EYA1: variants seen among roughly 807,000 people sequenced by gnomAD.
EYA1 encodes the protein EYA transcriptional coactivator and phosphatase 1.
Under a neutral mutation model 82.0 loss-of-function variants are expected in EYA1, and 16 were observed. That is an observed-to-expected ratio of 0.20 (90% CI 0.13 to 0.30). EYA1 has a LOEUF of 0.30. Among genes scored for constraint, EYA1 ranks in the 10% least tolerant of loss-of-function variants. The pLI is 1.00. For synonymous variants in EYA1, 261 were observed against 264.4 expected, an observed-to-expected ratio of 0.99 and a Z score of 0.12; for missense variants, 633 against 730.7, an observed-to-expected ratio of 0.87 and a Z score of 1.54.
intron 2 of EYA1, among the ~76,000 whole-genome samples, chr8:71,534,077 A>G (rs1181888888): frequency 6.6e-6 from 1 of 152,232 alleles, no homozygotes; most frequent in Non-Finnish European, 1.5e-5. Flanking sequence ...TTTGCATAAT[A>G]CAAGGTATCA....
chr8:71,212,016 G>A (rs931881983), intron 16 of EYA1, among the ~76,000 whole-genome samples: 1 of 152,132 alleles, frequency 6.6e-6, no homozygotes, highest in Non-Finnish European at 1.5e-5. Flanking sequence ...GGGCTCCTGT[G>A]GTGGCTACAC....
chr8:71,342,125 CCA>C (rs1825204830), intron 3 of EYA1, among the ~76,000 whole-genome samples: 1 of 152,104 alleles, frequency 6.6e-6, no homozygotes, highest in Non-Finnish European at 1.5e-5. Flanking sequence ...CATCTCTCCC[CCA>C]ATCCAATCTA....
intron 2 of EYA1, among the ~76,000 whole-genome samples, chr8:71,471,573 C>T (rs896616624): frequency 2.6e-5 from 4 of 152,062 alleles, no homozygotes; most frequent in South Asian, 2.1e-4. Context: ...AAAGTGATCT[C>T]GTACTCAATT....
intron 2 of EYA1, among the ~76,000 whole-genome samples, chr8:71,521,326 A>T (rs1230590594): frequency 6.6e-6 from 1 of 152,140 alleles, no homozygotes; most frequent in Non-Finnish European, 1.5e-5. Context: ...TAAGGCTAAG[A>T]TCATCATATT....
chr8:71,393,490 C>G (rs1172821482), intron 2 of EYA1, among the ~76,000 whole-genome samples: 1 of 152,164 alleles, frequency 6.6e-6, no homozygotes, highest in Non-Finnish European at 1.5e-5. Context: ...GTTCCCCACC[C>G]TGTGTCCAAG....
At chr8:71,458,270 G>A (rs988609297) in intron 2 of EYA1, among the ~76,000 whole-genome samples, 1 of 152,090 alleles carries the variant, frequency 6.6e-6, no homozygotes, top group Non-Finnish European at 1.5e-5. Context: ...GTAAGACATG[G>A]ATTGGGGAAT....
intron 2 of EYA1, among the ~76,000 whole-genome samples, chr8:71,521,081 C>T (rs904195546): frequency 6.6e-6 from 1 of 151,632 alleles, no homozygotes; most frequent in African/African-American, 2.4e-5. Context: ...AAAAAAAAAT[C>T]TTTATTTTTT....
At chr8:71,394,308 T>C (rs1829455467) in intron 2 of EYA1, among the ~76,000 whole-genome samples, 1 of 152,354 alleles carries the variant, frequency 6.6e-6, no homozygotes, top group African/African-American at 2.4e-5. Context: ...AGATCCCTTT[T>C]GTCAACTTTC....
chr8:71,334,211 A>C, intron 3 of EYA1, 37 bp from the exon 4 acceptor site: 2 of 1,409,250 alleles, frequency 1.4e-6, no homozygotes, highest in East Asian at 2.3e-5. Context: ...TATTGAATTA[A>C]TAGTTATTTG....
chr8:71,531,624 G>A (rs185725430), intron 2 of EYA1, among the ~76,000 whole-genome samples: 1 of 152,146 alleles, frequency 6.6e-6, no homozygotes, highest in South Asian at 2.1e-4. Context: ...GAAAGAAGCG[G>A]TTATAACTCT....
At position 71,227,382 on chromosome 8, in the gene EYA1, T is replaced by G. The variant is rs561467066; in HGVS notation, c.1141-10359A>C. Reference sequence around the variant, plus strand: ...GAGAGAATCTACTAAAGAAGAATTTTTCATAGTGACAGCAACTCTAGGCTT... The same window carrying G: ...GAGAGAATCTACTAAAGAAGAATTTGTCATAGTGACAGCAACTCTAGGCTT... On this transcript the variant is annotated intron_variant, in intron 12 of 17. Coordinates refer to ENST00000340726, the MANE Select transcript of EYA1 (RefSeq NM_000503.6). Among the ~76,000 whole-genome samples, 6 of 152,302 alleles carry G rather than the reference T, an allele frequency of 3.9e-5. No homozygotes were observed. In the East Asian group the frequency reaches 1.2e-3, roughly 29 times the overall value.
intron 2 of EYA1, among the ~76,000 whole-genome samples, chr8:71,475,088 T>A (rs1294080999): frequency 3.3e-5 from 5 of 152,144 alleles, no homozygotes; most frequent in African/African-American, 1.2e-4. Context: ...GCCGAGATCA[T>A]ACATTGCACT....
rs534246622 is a variant in EYA1, at chr8:71,202,482, A to C, written c.1699-3062T>G. Reference sequence around the variant, plus strand: ...GCTTGTTTACTGGCACTAAAATACGAATGGCTTTAGTCTTCCTGTACAGAG... The same window carrying C: ...GCTTGTTTACTGGCACTAAAATACGCATGGCTTTAGTCTTCCTGTACAGAG... On this transcript the variant is annotated intron_variant, in intron 17 of 17. Coordinates refer to ENST00000340726, the MANE Select transcript of EYA1 (RefSeq NM_000503.6). Among the ~76,000 whole-genome samples, 6 of 152,262 alleles carry C rather than the reference A, an allele frequency of 3.9e-5. No individual in the cohort carries two copies. In the South Asian group the frequency reaches 1.2e-3, roughly 32 times the overall value.
At chr8:71,349,515 G>A (rs1247016153) in intron 3 of EYA1, among the ~76,000 whole-genome samples, 3 of 152,194 alleles carry the variant, frequency 2.0e-5, no homozygotes, top group Non-Finnish European at 2.9e-5. Flanking sequence ...TACAAGCCAT[G>A]TGCCTTTAAA....
At chr8:71,517,018 C>T (rs1486554114) in intron 2 of EYA1, among the ~76,000 whole-genome samples, 14 of 152,064 alleles carry the variant, frequency 9.2e-5, no homozygotes, top group Non-Finnish European at 1.8e-4. Context: ...TGTCCTGTTC[C>T]CTCTGGTTCA....
At chr8:71,255,667 ATTT>A (rs1814326781) in intron 11 of EYA1, among the ~76,000 whole-genome samples, 1 of 152,190 alleles carries the variant, frequency 6.6e-6, no homozygotes, top group Non-Finnish European at 1.5e-5. Flanking sequence ...ATGACATTGG[ATTT>A]GTCAATGACT....
intron 2 of EYA1, among the ~76,000 whole-genome samples, chr8:71,450,200 G>C (rs908744339): frequency 1.8e-4 from 27 of 152,144 alleles, no homozygotes; most frequent in African/African-American, 6.5e-4. Context: ...TAACAACTTG[G>C]CTAACCATTT....
At chr8:71,345,925 TTCA>T (rs1365208352) in intron 3 of EYA1, among the ~76,000 whole-genome samples, 1 of 152,108 alleles carries the variant, frequency 6.6e-6, no homozygotes, top group Non-Finnish European at 1.5e-5. Flanking sequence ...TCTGGAGCCC[TTCA>T]TCATCATCTT....
intron 12 of EYA1, among the ~76,000 whole-genome samples, chr8:71,220,305 T>C (rs1809735249): frequency 6.6e-6 from 1 of 152,210 alleles, no homozygotes; most frequent in Non-Finnish European, 1.5e-5. Context: ...ATGAAATCAT[T>C]ATTGAATCCA....
Sources: gnomAD v4.1 joint callset for allele counts (sites outside exome capture counted in the v4.1 genomes callset) on GRCh38, gnomAD v4.1.1 for gene constraint, MANE v1.5 for transcripts, NCBI Gene and HGNC (gene_info 2026-07-23, HGNC 2026-07-21) for gene names.